Variants in C8orf34 observed in about 807,000 individuals in gnomAD.
C8orf34 encodes uncharacterized protein C8orf34.
C8orf34 carries 65 observed loss-of-function variants against 68.3 expected under a neutral mutation model. That is an observed-to-expected ratio of 0.95 (90% CI 0.78 to 1.17). The LOEUF (loss-of-function observed/expected upper bound fraction) is 1.17. Among genes scored for constraint, C8orf34 ranks in the 50% most tolerant of loss-of-function variants. The pLI, the probability that C8orf34 is intolerant of heterozygous loss-of-function variation, is 0.00. For missense variants in C8orf34, 664 were observed against 655.4 expected (o/e 1.01, Z -0.14); for synonymous variants, 244 against 241.2 (o/e 1.01, Z -0.11).
At chr8:68,660,498 C>T (rs757989451) in intron 8 of C8orf34, among the ~76,000 whole-genome samples, 4 of 152,162 alleles carry the variant, frequency 2.6e-5, no homozygotes, top group Admixed American at 1.3e-4. Flanking sequence ...CTGCTCGTAA[C>T]CTTTGAGTTC....
chr8:68,743,734 C>A (rs556251936), intron 10 of C8orf34, among the ~76,000 whole-genome samples: 1 of 152,226 alleles, frequency 6.6e-6, no homozygotes, highest in African/African-American at 2.4e-5. Flanking sequence ...GAGGGTCCTA[C>A]GCCCACGGAG....
At chr8:68,445,826 A>G (rs2129626687) in intron 2 of C8orf34, among the ~76,000 whole-genome samples, 1 of 152,158 alleles carries the variant, frequency 6.6e-6, no homozygotes, top group African/African-American at 2.4e-5. Flanking sequence ...CAGAGTCTCT[A>G]TCACTCAGGC....
rs1483218616 is a variant in C8orf34 at position 68,529,347 on chromosome 8, C to T, written c.939-3636C>T. Among the ~76,000 whole-genome samples, 5 of 152,302 alleles carry T rather than the reference C, an allele frequency of 3.3e-5. No individual in the cohort carries two copies. The South Asian group carries it at 6.2e-4, about 19-fold the overall frequency. On this transcript the variant is annotated intron_variant, in intron 6 of 13. Transcript: ENST00000518698. Reference sequence around the variant, plus strand: ...TGAAATTCCAACCTCAAGTCTCAGCCCCCATCTTACTTGACCAAACAGCAG... The same window carrying T: ...TGAAATTCCAACCTCAAGTCTCAGCTCCCATCTTACTTGACCAAACAGCAG...
chr8:68,417,341 A>G lies in C8orf34; in HGVS notation c.328-22158A>G, dbSNP rs569755471. Among the ~76,000 whole-genome samples the G allele has an allele frequency of 5.3e-5, 8 of 152,236 alleles. No homozygotes were observed. In the East Asian group the frequency reaches 1.5e-3, roughly 29 times the overall value. On this transcript the variant is annotated intron_variant, in intron 1 of 13. Transcript: ENST00000518698. ...TATTGGCACATATGCAAAATGGACCATATATTGCCGTTTGTAATAGCAAAT... is the reference window on the plus strand; with the variant it reads ...TATTGGCACATATGCAAAATGGACCGTATATTGCCGTTTGTAATAGCAAAT...
intron 5 of C8orf34, among the ~76,000 whole-genome samples, chr8:68,500,186 T>C (rs1270674962): frequency 1.3e-5 from 2 of 152,186 alleles, no homozygotes; most frequent in African/African-American, 4.8e-5. Context: ...GGTATACCTT[T>C]ATAGTAACAA....
chr8:68,429,086 T>C (rs557897986), intron 1 of C8orf34, among the ~76,000 whole-genome samples: 2 of 152,244 alleles, frequency 1.3e-5, no homozygotes, highest in South Asian at 4.1e-4. Flanking sequence ...GAATTAAGTT[T>C]GACTTCATTA....
At chr8:68,727,431 G>A (rs769028155) in intron 10 of C8orf34, among the ~76,000 whole-genome samples, 60 of 152,256 alleles carry the variant, frequency 3.9e-4, no homozygotes, top group African/African-American at 8.7e-4. Flanking sequence ...GGAGCATGGC[G>A]CAAGCTGTCA....
intron 10 of C8orf34, 123 bp from the exon 11 acceptor site, chr8:68,776,276 A>G (rs529051721): frequency 5.6e-6 from 4 of 715,450 alleles, no homozygotes; most frequent in Middle Eastern, 2.4e-4. Context: ...ACAAGTATCA[A>G]CTGAAAAGGT....
At chr8:68,499,323 A>G (rs1475261432) in intron 5 of C8orf34, among the ~76,000 whole-genome samples, 1 of 152,210 alleles carries the variant, frequency 6.6e-6, no homozygotes, top group African/African-American at 2.4e-5. Context: ...ATACATTCAA[A>G]TAATGATGGG....
intron 10 of C8orf34, among the ~76,000 whole-genome samples, chr8:68,757,620 C>CA (rs1227804265): frequency 6.7e-6 from 1 of 149,554 alleles, no homozygotes; most frequent in Admixed American, 6.6e-5. Flanking sequence ...GACTCCGTCT[C>CA]AAAAAAATAA....
chr8:68,558,449 C>T (rs1586371631), intron 7 of C8orf34, among the ~76,000 whole-genome samples: 1 of 151,908 alleles, frequency 6.6e-6, no homozygotes, highest in Non-Finnish European at 1.5e-5. Context: ...ATTGTTTTTA[C>T]CAAACAGAAA....
chr8:68,437,522 A>G (rs894946041), intron 1 of C8orf34, among the ~76,000 whole-genome samples: 3 of 152,206 alleles, frequency 2.0e-5, no homozygotes, highest in African/African-American at 7.2e-5. Context: ...AGCATAATAC[A>G]TAATAGAGGT....
chr8:68,475,820 C>T (rs1812589725), intron 4 of C8orf34, among the ~76,000 whole-genome samples: 1 of 152,148 alleles, frequency 6.6e-6, no homozygotes, highest in African/African-American at 2.4e-5. Context: ...CTGACAGCTC[C>T]CTGTGATGTG....
chr8:68,499,235 A>G (rs1813662597), intron 5 of C8orf34, among the ~76,000 whole-genome samples: 1 of 152,152 alleles, frequency 6.6e-6, no homozygotes, highest in South Asian at 2.1e-4. Flanking sequence ...AGCTGCATCC[A>G]TGTTGTTGCA....
At chr8:68,610,386 A>G (rs770242926) in intron 7 of C8orf34, among the ~76,000 whole-genome samples, 2 of 152,164 alleles carry the variant, frequency 1.3e-5, no homozygotes, top group Non-Finnish European at 2.9e-5. Context: ...TTATTTATGT[A>G]GTGATTCTCT....
intron 8 of C8orf34, among the ~76,000 whole-genome samples, chr8:68,705,851 G>A (rs1219876492): frequency 6.6e-6 from 1 of 152,120 alleles, no homozygotes; most frequent in Non-Finnish European, 1.5e-5. Context: ...ATAGGTTGAT[G>A]AGACATTGAG....
chr8:68,449,331 G>A (rs1811247769), intron 3 of C8orf34, among the ~76,000 whole-genome samples: 1 of 151,936 alleles, frequency 6.6e-6, no homozygotes, highest in Admixed American at 6.6e-5. Flanking sequence ...CAATTCAGTG[G>A]CATTCAGTAC....
intron 12 of C8orf34, among the ~76,000 whole-genome samples, chr8:68,805,642 A>G (rs1410952127): frequency 6.6e-6 from 1 of 152,118 alleles, no homozygotes; most frequent in African/African-American, 2.4e-5. Flanking sequence ...TGACATTGGT[A>G]CCCCAGCTTT....
At chr8:68,492,856 G>C (rs1441962800) in intron 5 of C8orf34, among the ~76,000 whole-genome samples, 1 of 151,562 alleles carries the variant, frequency 6.6e-6, no homozygotes, top group Non-Finnish European at 1.5e-5. Flanking sequence ...ACTGCTTCAA[G>C]AAGTAGCCCA....
Sources: allele counts gnomAD v4.1 joint callset (sites outside exome capture counted in the v4.1 genomes callset), GRCh38; gene constraint gnomAD v4.1.1; transcripts MANE v1.5; gene names NCBI Gene and HGNC (gene_info 2026-07-23, HGNC 2026-07-21).